MSI2: variants seen among roughly 807,000 people sequenced by gnomAD.
MSI2 encodes the protein musashi RNA binding protein 2.
In MSI2, 17 loss-of-function variants were observed where a neutral mutation model predicts 45.6. That is an observed-to-expected ratio of 0.37 (90% confidence interval 0.26 to 0.56). The LOEUF is 0.56. MSI2 is among the 20% of genes least tolerant of loss of function. The pLI is 0.77. For missense variants in MSI2, 293 were observed against 444.2 expected, an observed-to-expected ratio of 0.66 and a Z score of 3.06; for synonymous variants, 156 against 158.2, an observed-to-expected ratio of 0.99 and a Z score of 0.11.
At chr17:57,520,732 C>A (rs1169413847) in intron 6 of MSI2, among the ~76,000 whole-genome samples, 1 of 152,206 alleles carries the variant, frequency 6.6e-6, no homozygotes, top group African/African-American at 2.4e-5. Flanking sequence ...CAGCTCACTG[C>A]AGCCTCCGCC....
At chr17:57,334,597 C>A (rs1375660974) in intron 5 of MSI2, among the ~76,000 whole-genome samples, 2 of 152,116 alleles carry the variant, frequency 1.3e-5, no homozygotes, top group African/African-American at 4.8e-5. Context: ...AGTTCGAGAC[C>A]AGCCTGGCCA....
intron 6 of MSI2, among the ~76,000 whole-genome samples, chr17:57,516,823 AC>A (rs1328369438): frequency 3.3e-5 from 5 of 152,292 alleles, no homozygotes; most frequent in African/African-American, 1.2e-4. Flanking sequence ...TGGGATTTGA[AC>A]CCAGGATGTG....
chr17:57,388,665 CT>C (rs200792350), intron 5 of MSI2, among the ~76,000 whole-genome samples: 1 of 151,910 alleles, frequency 6.6e-6, no homozygotes, highest in Non-Finnish European at 1.5e-5. Flanking sequence ...TTTTCTTTTT[CT>C]TTTTTTTGGA....
intron 3 of MSI2, 95 bp from the exon 4 acceptor site, chr17:57,258,175 T>C: frequency 1.8e-6 from 2 of 1,092,462 alleles, no homozygotes; most frequent in Non-Finnish European, 2.8e-6. Context: ...GGGGGGCAAC[T>C]TTTGCTCCTC....
At chr17:57,302,785 T>A (rs1052437191) in intron 5 of MSI2, among the ~76,000 whole-genome samples, 1 of 152,182 alleles carries the variant, frequency 6.6e-6, no homozygotes, top group Non-Finnish European at 1.5e-5. Context: ...GAGGGGAGCA[T>A]TTTATTACTT....
intron 5 of MSI2, among the ~76,000 whole-genome samples, chr17:57,313,880 TCCGGGCAGTGTC>T (rs1912623660): frequency 6.6e-6 from 1 of 151,970 alleles, no homozygotes; most frequent in African/African-American, 2.4e-5. Flanking sequence ...CTGGGGTGGG[TCCGGGCAGTGTC>T]CCAGAGGAGG....
chr17:57,677,419 T>C (rs1167212408), intron 13 of MSI2, among the ~76,000 whole-genome samples: 1 of 152,126 alleles, frequency 6.6e-6, no homozygotes, highest in African/African-American at 2.4e-5. Context: ...CCCAGGGGGA[T>C]AGAGGCAGGG....
intron 5 of MSI2, among the ~76,000 whole-genome samples, chr17:57,391,045 C>G (rs1364352744): frequency 6.6e-6 from 1 of 152,140 alleles, no homozygotes; most frequent in African/African-American, 2.4e-5. Context: ...GTAGTTGCTA[C>G]CCAGATAAAT....
chr17:57,491,059 G>A (rs750914738), intron 6 of MSI2, among the ~76,000 whole-genome samples: 11 of 152,288 alleles, frequency 7.2e-5, no homozygotes, highest in Non-Finnish European at 1.6e-4. Flanking sequence ...GCCCCTCGTG[G>A]GCCATTGCCT....
chr17:57,385,830 C>T (rs1453095406), intron 5 of MSI2, among the ~76,000 whole-genome samples: 3 of 152,208 alleles, frequency 2.0e-5, no homozygotes, highest in Non-Finnish European at 4.4e-5. Context: ...TCAAATTTAG[C>T]AGCTTCAGGT....
intron 11 of MSI2, among the ~76,000 whole-genome samples, chr17:57,663,111 C>A (rs9646425): frequency 0.2 from 30,285 of 151,932 alleles, 3,576 homozygotes; most frequent in East Asian, 0.4. Flanking sequence ...CCCGCCCGGC[C>A]TTAGGGCTGG....
At chr17:57,273,464 A>AT (rs752793064) in intron 5 of MSI2, among the ~76,000 whole-genome samples, 2,668 of 100,734 alleles carry the variant, frequency 0.026, 124 homozygotes, top group African/African-American at 0.086. Context: ...GTTAAAAATG[A>AT]TTTTTTTTTT....
chr17:57,511,023 G>A (rs2086342341), intron 6 of MSI2, among the ~76,000 whole-genome samples: 1 of 149,630 alleles, frequency 6.7e-6, no homozygotes, highest in South Asian at 2.1e-4. Context: ...TTTGCTTGGT[G>A]ATCAGAAACT....
At chr17:57,555,606 C>A (rs548160781) in intron 7 of MSI2, among the ~76,000 whole-genome samples, 201 of 152,230 alleles carry the variant, frequency 1.3e-3, no homozygotes, top group Middle Eastern at 3.4e-3. Context: ...CCCTCCTGAA[C>A]CCCCTGAGCA....
chr17:57,372,433 G>T (rs188111324), intron 5 of MSI2, among the ~76,000 whole-genome samples: 34 of 152,290 alleles, frequency 2.2e-4, no homozygotes, highest in African/African-American at 7.5e-4. Flanking sequence ...TCTTTTTACC[G>T]CTTGGGTTTA....
intron 5 of MSI2, among the ~76,000 whole-genome samples, chr17:57,397,160 G>A (rs1353161873): frequency 6.6e-6 from 1 of 152,150 alleles, no homozygotes; most frequent in Non-Finnish European, 1.5e-5. Context: ...TACTCTACTG[G>A]TATTAAGGCT....
rs552286421 is a variant in MSI2, at chr17:57,366,171, C to T, written c.313-35208C>T. On this transcript the variant is annotated intron_variant, in intron 5 of 13. Coordinates refer to ENST00000284073, the MANE Select transcript of MSI2 (RefSeq NM_138962.4). ...AAGCAGCCCCACCCGTTTCGGCCTC[C>T]CAAAGTGCTGGGATTACAAGCATGA... Among the ~76,000 whole-genome samples, 7 of 152,304 alleles carry T rather than the reference C, an allele frequency of 4.6e-5. No homozygotes were observed. In the East Asian group the frequency reaches 1.2e-3, roughly 25 times the overall value.
chr17:57,473,688 G>A (rs2541052), intron 6 of MSI2, among the ~76,000 whole-genome samples: 65,083 of 151,988 alleles, frequency 0.43, 14,574 homozygotes, highest in South Asian at 0.63. Flanking sequence ...GCAGGAGGAT[G>A]GGGCTCTTCG....
intron 5 of MSI2, among the ~76,000 whole-genome samples, chr17:57,370,070 C>A (rs1289939432): frequency 6.6e-6 from 1 of 152,122 alleles, no homozygotes; most frequent in South Asian, 2.1e-4. Flanking sequence ...AATTGTAAAC[C>A]AACAATGAAA....
Sources: allele counts gnomAD v4.1 joint callset (sites outside exome capture counted in the v4.1 genomes callset), GRCh38; gene constraint gnomAD v4.1.1; transcripts MANE v1.5; gene names NCBI Gene and HGNC (gene_info 2026-07-23, HGNC 2026-07-21).